Variants in LYPD6 observed in about 807,000 individuals in gnomAD.
LYPD6 encodes the protein LY6/PLAUR domain containing 6, also known as ly6/PLAUR domain-containing protein 6.
Under a neutral mutation model 22.7 loss-of-function variants are expected in LYPD6, and 15 were observed. That is an observed-to-expected ratio of 0.66 (90% CI 0.44 to 1.02). The LOEUF (loss-of-function observed/expected upper bound fraction) is 1.02. Among genes scored for constraint, LYPD6 ranks in the 50% least tolerant of loss-of-function variants. The pLI, the probability that LYPD6 is intolerant of heterozygous loss-of-function variation, is 0.00. For synonymous variants in LYPD6, 72 were observed against 77.5 expected (o/e 0.93, Z 0.37); for missense variants, 189 against 208.4 (o/e 0.91, Z 0.57).
intron 1 of LYPD6, among the ~76,000 whole-genome samples, chr2:149,428,516 G>C (rs1269852300): frequency 6.6e-6 from 1 of 152,128 alleles, no homozygotes. Context: ...ATGTTTCTGC[G>C]TGTCACACCT....
rs1558819984 is a variant in LYPD6, at chr2:149,470,881, T to C, written c.*31T>C. On this transcript the variant is annotated 3_prime_UTR_variant, in exon 5 of 5. Coordinates refer to ENST00000334166, the MANE Select transcript of LYPD6 (RefSeq NM_194317.5). ...CAGTGGCTCCATGTGTTAATAGCGA[T>C]CCATGGGGATCTCGATGGTCCACAG... 6.3e-7 allele frequency: 1 copy of C among 1,583,346 alleles called. No individual in the cohort carries two copies. The highest frequency in any genetic ancestry group is 1.7e-5 in the Admixed American group (1 of 59,390).
intron 1 of LYPD6, among the ~76,000 whole-genome samples, chr2:149,418,695 G>A (rs1049190665): frequency 2.0e-5 from 3 of 152,242 alleles, no homozygotes; most frequent in Non-Finnish European, 2.9e-5. Flanking sequence ...CATTTGGCCA[G>A]TTGGCAAAGT....
chr2:149,421,095 CTTTCTTTAATCCCAGCACT>C (rs1226853887), intron 1 of LYPD6, among the ~76,000 whole-genome samples: 2 of 152,106 alleles, frequency 1.3e-5, no homozygotes, highest in Non-Finnish European at 2.9e-5. Flanking sequence ...TTGATACCCT[CTTTCTTTAATCCCAGCACT>C]TTTCTTTAAT....
intron 1 of LYPD6, among the ~76,000 whole-genome samples, chr2:149,370,100 G>C (rs1034277131): frequency 7.2e-5 from 11 of 152,148 alleles, no homozygotes; most frequent in Non-Finnish European, 1.3e-4. Context: ...AGATTCTGGT[G>C]ACAGGAATTA....
chr2:149,436,495 A>C (rs1183100515), intron 1 of LYPD6, among the ~76,000 whole-genome samples: 1 of 152,194 alleles, frequency 6.6e-6, no homozygotes, highest in African/African-American at 2.4e-5. Context: ...TCTTTTCCTT[A>C]ATTTTGAGTG....
chr2:149,485,094 G>T, the LYPD6 span, among the ~76,000 whole-genome samples: 1 of 152,070 alleles, frequency 6.6e-6, no homozygotes, highest in Non-Finnish European at 1.5e-5. Flanking sequence ...GGGTCATCAC[G>T]GGCCCCTCAG....
chr2:149,428,438 C>T (rs193257412), intron 1 of LYPD6, among the ~76,000 whole-genome samples: 82 of 152,234 alleles, frequency 5.4e-4, no homozygotes, highest in South Asian at 3.5e-3. Context: ...CTCTCATCAC[C>T]GTTTCTCTTA....
chr2:149,340,822 G>A, intron 1 of LYPD6, among the ~76,000 whole-genome samples: 1 of 152,208 alleles, frequency 6.6e-6, no homozygotes, highest in East Asian at 1.9e-4. Context: ...AAGAATTCTT[G>A]TCTTCTAAGA....
At chr2:149,366,905 T>A (rs1470553542) in intron 1 of LYPD6, among the ~76,000 whole-genome samples, 1 of 152,254 alleles carries the variant, frequency 6.6e-6, no homozygotes, top group Non-Finnish European at 1.5e-5. Context: ...CACTGTCATG[T>A]GTGATTCTTT....
intron 1 of LYPD6, among the ~76,000 whole-genome samples, chr2:149,406,251 C>T (rs1349195686): frequency 6.6e-6 from 1 of 151,554 alleles, no homozygotes; most frequent in African/African-American, 2.4e-5. Context: ...CTATTAGGTC[C>T]ACTTGGTGCA....
At chr2:149,441,938 C>A (rs1167947502) in intron 2 of LYPD6, among the ~76,000 whole-genome samples, 1 of 152,066 alleles carries the variant, frequency 6.6e-6, no homozygotes, top group Non-Finnish European at 1.5e-5. Flanking sequence ...AGCTGTATTC[C>A]TGTGGGGGCT....
At chr2:149,375,672 T>C (rs1681902382) in intron 1 of LYPD6, among the ~76,000 whole-genome samples, 1 of 152,246 alleles carries the variant, frequency 6.6e-6, no homozygotes, top group Admixed American at 6.5e-5. Flanking sequence ...ACTGTTACCA[T>C]GACATTTGAA....
At chr2:149,466,614 TAA>T (rs899273740) in intron 3 of LYPD6, among the ~76,000 whole-genome samples, 1 of 152,220 alleles carries the variant, frequency 6.6e-6, no homozygotes, top group Non-Finnish European at 1.5e-5. Context: ...CCATTATGTA[TAA>T]GATATTTTGT....
chr2:149,358,372 A>G (rs1163900318), intron 1 of LYPD6, among the ~76,000 whole-genome samples: 1 of 152,232 alleles, frequency 6.6e-6, no homozygotes, highest in Non-Finnish European at 1.5e-5. Flanking sequence ...ATCATGACGT[A>G]AAGTACAATG....
chr2:149,371,423 G>C (rs745481625), intron 1 of LYPD6, among the ~76,000 whole-genome samples: 1 of 152,188 alleles, frequency 6.6e-6, no homozygotes, highest in Non-Finnish European at 1.5e-5. Flanking sequence ...GAAAGTGGAC[G>C]TATATATCAT....
intron 1 of LYPD6, among the ~76,000 whole-genome samples, chr2:149,394,147 T>C (rs1278590316): frequency 6.6e-6 from 1 of 152,228 alleles, no homozygotes; most frequent in African/African-American, 2.4e-5. Context: ...CTTCAACTCT[T>C]AACTCACAAT....
chr2:149,403,423 C>G (rs1473802300), intron 1 of LYPD6, among the ~76,000 whole-genome samples: 2 of 149,712 alleles, frequency 1.3e-5, no homozygotes, highest in Non-Finnish European at 3.0e-5. Flanking sequence ...GATTGCCATT[C>G]TAACTGGTGT....
chr2:149,483,059 T>C, the LYPD6 span, among the ~76,000 whole-genome samples: 2 of 152,158 alleles, frequency 1.3e-5, no homozygotes, highest in Non-Finnish European at 2.9e-5. Context: ...GGTGGAGGTT[T>C]GTCAAGATTG....
At chr2:149,479,918 C>G in the LYPD6 span, among the ~76,000 whole-genome samples, 2 of 152,110 alleles carry the variant, frequency 1.3e-5, no homozygotes, top group South Asian at 2.1e-4. Context: ...GCCAGCAAGT[C>G]CCCCTGCACT....
Sources: gnomAD v4.1 joint callset for allele counts (sites outside exome capture counted in the v4.1 genomes callset) on GRCh38, gnomAD v4.1.1 for gene constraint, MANE v1.5 for transcripts, NCBI Gene and HGNC (gene_info 2026-07-23, HGNC 2026-07-21) for gene names.